ZNF385C: variants seen among roughly 807,000 people sequenced by gnomAD.
The protein encoded by ZNF385C is CTD-2132N18.2.
Under a neutral mutation model 35.4 loss-of-function variants are expected in ZNF385C, and 28 were observed. The observed-to-expected ratio is 0.79, with a 90% CI of 0.59 to 1.08. ZNF385C has a LOEUF of 1.08. Ranked by LOEUF, ZNF385C falls within the 50% of genes least tolerant of loss-of-function variation. The probability of loss-of-function intolerance (pLI) is 0.00; values close to 1 mark genes in which losing one functional copy is unlikely to be tolerated. For missense variants in ZNF385C, 605 were observed against 595.6 expected (o/e 1.02, Z -0.16); for synonymous variants, 248 against 248.2 (o/e 1.00, Z 0.01).
intron 1 of ZNF385C, among the ~76,000 whole-genome samples, chr17:42,064,889 C>T (rs2053525633): frequency 6.6e-6 from 1 of 152,066 alleles, no homozygotes; most frequent in Admixed American, 6.6e-5. Context: ...ACTCTATCAC[C>T]CAGGTTGGAG....
intron 2 of ZNF385C, chr17:42,040,202 G>C: frequency 8.1e-7 from 1 of 1,231,620 alleles, no homozygotes; most frequent in Non-Finnish European, 1.0e-6. Flanking sequence ...ACGGCGTCCA[G>C]CGAAGGCCCG....
chr17:42,079,187 C>CAAAAAA (rs141880528), intron 1 of ZNF385C, among the ~76,000 whole-genome samples: 11 of 114,006 alleles, frequency 9.6e-5, no homozygotes, highest in African/African-American at 3.5e-4. Flanking sequence ...CCCTGTCTCG[C>CAAAAAA]AAAAAAAAAA....
intron 1 of ZNF385C, among the ~76,000 whole-genome samples, chr17:42,065,879 T>C (rs533409922): frequency 2.6e-5 from 4 of 152,236 alleles, no homozygotes; most frequent in Admixed American, 2.0e-4. Flanking sequence ...CTCAGCTCTG[T>C]CACTCACTGG....
At chr17:42,028,343 G>T in intron 6 of ZNF385C, 97 bp from the exon 7 acceptor site, 1 of 1,259,940 alleles carries the variant, frequency 7.9e-7, no homozygotes, top group Non-Finnish European at 1.1e-6. Flanking sequence ...CTCCCTGTAA[G>T]CCTCACGGCT....
At chr17:42,040,189 G>T (rs377217322) in intron 2 of ZNF385C, 2 of 1,231,600 alleles carry the variant, frequency 1.6e-6, no homozygotes, top group Non-Finnish European at 2.0e-6. Context: ...TGCGAAGGCG[G>T]CCACGGCGTC....
At position 42,026,536 on chromosome 17, in the gene ZNF385C, C is replaced by T. The variant is rs2052581971; in HGVS notation, c.*361G>A. 3.2e-6 allele frequency: 1 copy of T among 307,716 alleles called. No homozygotes were observed. Among genetic ancestry groups the T allele is most frequent in the Non-Finnish European group, 6.2e-6 (1 of 162,236 alleles). The allele number at this position is 307,716 out of a possible 1,614,324, so 19.1% of individuals were successfully genotyped here. A position where few individuals can be genotyped will look rare whatever the true frequency, so the allele number is the denominator to read the frequency against. ...AGGAATAGAGGTCAGAGAGTCGTCC[C>T]CTGGCTAGGAGAGGATGGCTTGTAG... On this transcript the variant is annotated 3_prime_UTR_variant, in exon 9 of 9. Transcript: ENST00000692273.
intron 2 of ZNF385C, among the ~76,000 whole-genome samples, chr17:42,059,121 G>T (rs2053423386): frequency 6.6e-6 from 1 of 152,186 alleles, no homozygotes; most frequent in Non-Finnish European, 1.5e-5. Flanking sequence ...TCTCTAGCTG[G>T]AGCCCCAGAA....
At chr17:42,070,035 G>A (rs781457432) in intron 1 of ZNF385C, among the ~76,000 whole-genome samples, 1 of 147,988 alleles carries the variant, frequency 6.8e-6, no homozygotes, top group Non-Finnish European at 1.5e-5. Context: ...ATGAAACTCC[G>A]TCTCAAAAAA....
chr17:42,075,332 G>A (rs1167331661), intron 1 of ZNF385C, among the ~76,000 whole-genome samples: 3 of 151,872 alleles, frequency 2.0e-5, no homozygotes, highest in Non-Finnish European at 4.4e-5. Context: ...CAACTATACT[G>A]AGCGCTCCTC....
intron 1 of ZNF385C, among the ~76,000 whole-genome samples, chr17:42,094,792 A>G (rs967476330): frequency 9.8e-5 from 15 of 152,318 alleles, no homozygotes; most frequent in Non-Finnish European, 1.5e-4. Flanking sequence ...CACCAGGGCA[A>G]TGCTGCTGCC....
chr17:42,028,677 T>C (rs782276917), intron 6 of ZNF385C, 106 bp downstream of exon 6: 34 of 1,380,196 alleles, frequency 2.5e-5, no homozygotes, highest in Non-Finnish European at 3.3e-5. Flanking sequence ...GCCTCCGCCA[T>C]CCAACCCTTG....
intron 2 of ZNF385C, among the ~76,000 whole-genome samples, chr17:42,051,881 C>T (rs1203638587): frequency 6.6e-6 from 1 of 152,158 alleles, no homozygotes; most frequent in Non-Finnish European, 1.5e-5. Context: ...CTGTGAACCC[C>T]AGCCCCAGAG....
At chr17:42,053,365 G>T (rs2053319191) in intron 2 of ZNF385C, among the ~76,000 whole-genome samples, 3 of 152,076 alleles carry the variant, frequency 2.0e-5, no homozygotes, top group Admixed American at 1.3e-4. Context: ...TTGGACCCCA[G>T]TGCAGTGGCT....
chr17:42,066,839 T>C (rs1323255551), intron 1 of ZNF385C, among the ~76,000 whole-genome samples: 33 of 151,592 alleles, frequency 2.2e-4, no homozygotes, highest in Non-Finnish European at 3.5e-4. Flanking sequence ...GAGGCCGAGG[T>C]GGGTGGATCA....
At chr17:42,036,378 A>G (rs940936483) in intron 3 of ZNF385C, among the ~76,000 whole-genome samples, 3 of 151,746 alleles carry the variant, frequency 2.0e-5, no homozygotes, top group Non-Finnish European at 4.4e-5. Context: ...GTTGGGCCAA[A>G]TGCAGCTGTC....
In ZNF385C at chr17:42,028,825, C is replaced by T. The variant is rs1306770073; in HGVS notation, c.925G>A (p.Val309Met). 1.1e-5 allele frequency: 17 copies of T among 1,550,626 alleles called. No homozygotes were observed. Among genetic ancestry groups the T allele is most frequent in the Non-Finnish European group, 1.5e-5 (17 of 1,146,980 alleles). Residue 309 changes from valine (V) to methionine (M), a missense_variant, in exon 6 of 9, where the codon GTG becomes ATG. Coordinates refer to ENST00000692273, the MANE Select transcript of ZNF385C (RefSeq NM_001392013.1). ...AGCTGGGAGGCCGAGTTCACTGTCA[C>T]CTTACACGTGGGGCAGTAGAGGTGC... Reference protein sequence around the residue: ...KGHLYCPTCKVTVNSASQLQA... With the variant: ...KGHLYCPTCKMTVNSASQLQA...
intron 2 of ZNF385C, among the ~76,000 whole-genome samples, chr17:42,044,415 G>A (rs1203858641): frequency 1.6e-4 from 24 of 150,748 alleles, no homozygotes; most frequent in African/African-American, 5.4e-4. Flanking sequence ...TCAGGAGTCC[G>A]AGACCAGCCT....
chr17:42,037,182 G>A (rs947550282), intron 3 of ZNF385C, among the ~76,000 whole-genome samples: 2 of 151,978 alleles, frequency 1.3e-5, no homozygotes, highest in African/African-American at 4.8e-5. Context: ...CATGCTCAGA[G>A]GGCAGATACA....
At chr17:42,035,286 TCCTGGTGATCACCTTGG>T (rs1322922439) in intron 3 of ZNF385C, among the ~76,000 whole-genome samples, 1 of 151,966 alleles carries the variant, frequency 6.6e-6, no homozygotes, top group East Asian at 1.9e-4. Context: ...TAGAACCATG[TCCTGGTGATCACCTTGG>T]CATCTCTTGG....
Sources: allele counts gnomAD v4.1 joint callset (sites outside exome capture counted in the v4.1 genomes callset), GRCh38; gene constraint gnomAD v4.1.1; transcripts MANE v1.5; gene names NCBI Gene and HGNC (gene_info 2026-07-23, HGNC 2026-07-21).